Variants in ZNF462 observed in about 807,000 individuals in gnomAD.
ZNF462 encodes the protein zinc finger protein 462.
ZNF462 carries 10 observed loss-of-function variants against 201.9 expected under a neutral mutation model. The ratio of observed to expected loss-of-function variants is 0.05; its 90% CI spans 0.03 to 0.08. ZNF462 has a LOEUF of 0.08. Ranked by LOEUF, ZNF462 falls within the 10% of genes least tolerant of loss-of-function variation. The pLI is 1.00. For synonymous variants in ZNF462, 1,227 were observed against 1,193.3 expected, an observed-to-expected ratio of 1.03 and a Z score of -0.58; for missense variants, 2,523 against 3,168.3, an observed-to-expected ratio of 0.80 and a Z score of 4.89.
chr9:106,919,335 T>C lies in ZNF462; in HGVS notation c.-30-4019T>C, dbSNP rs2131384461. Reference sequence around the variant, plus strand: ...AGCAGTGAGTTGGAAGGATGGACGATGAAGCTGTGGTTTGTCTCCTTCCTC... The same window carrying C: ...AGCAGTGAGTTGGAAGGATGGACGACGAAGCTGTGGTTTGTCTCCTTCCTC... On this transcript the variant is annotated intron_variant, in intron 1 of 12. Transcript: ENST00000277225. This position sits in a 1 kb window ranked among gnomAD's most constrained non-coding sequence, Gnocchi z 4.5. Among the ~76,000 whole-genome samples, 1 of 152,310 alleles carries C rather than the reference T, an allele frequency of 6.6e-6. No homozygotes were observed. Among genetic ancestry groups the C allele is most frequent in the East Asian group, 1.9e-4 (1 of 5,190 alleles).
chr9:106,896,325 A>T (rs1183634036), intron 1 of ZNF462, among the ~76,000 whole-genome samples: 6 of 152,300 alleles, frequency 3.9e-5, no homozygotes, highest in Non-Finnish European at 7.4e-5. Context: ...TTTTTGGCTC[A>T]ATCGAAAATG....
Position 106,954,742 on chromosome 9 carries a change from T to C in ZNF462, c.6427+15635T>C, listed in dbSNP as rs1831500790. Among the ~76,000 whole-genome samples, 3 of 152,148 alleles carry C rather than the reference T, an allele frequency of 2.0e-5. No homozygotes were observed. The highest frequency in any genetic ancestry group is 4.1e-4 in the South Asian group (2 of 4,828). On this transcript the variant is annotated intron_variant, in intron 7 of 12. Transcript: ENST00000277225. The surrounding 1 kb of genome is among the most constrained non-coding windows in gnomAD (Gnocchi z 4.0). Reference sequence around the variant, plus strand: ...TTCCTTCATTTCTGTGATGCAACAGTGATCTCCCGAGATGTGAGTCAACTC... The same window carrying C: ...TTCCTTCATTTCTGTGATGCAACAGCGATCTCCCGAGATGTGAGTCAACTC...
chr9:106,978,963 G>C lies in ZNF462; in HGVS notation c.6832+4690G>C, dbSNP rs367798784. 1 of 287,616 alleles carries C rather than the reference G, an allele frequency of 3.5e-6. No homozygotes were observed. The highest frequency in any genetic ancestry group is 2.3e-5 in the African/African-American group (1 of 42,596). The allele number at this position is 287,616 out of a possible 1,614,324, so 17.8% of individuals were successfully genotyped here. ...GCCTTTGTCTTCCAAGTTAATGTGT[G>C]TGAAGGCAACAGTAGTGCAGATCTC... On this transcript the variant is annotated intron_variant, in intron 9 of 12. Coordinates refer to ENST00000277225, the MANE Select transcript of ZNF462 (RefSeq NM_021224.6). This position sits in a 1 kb window ranked among gnomAD's most constrained non-coding sequence, Gnocchi z 4.1.
chr9:106,934,036 T>G (rs1830528212), intron 5 of ZNF462, among the ~76,000 whole-genome samples: 2 of 151,950 alleles, frequency 1.3e-5, no homozygotes, highest in Non-Finnish European at 2.9e-5. Flanking sequence ...AAAGGAAGAG[T>G]CAAATTAGCA....
intron 10 of ZNF462, among the ~76,000 whole-genome samples, chr9:106,995,173 C>G (rs1029246348): frequency 3.3e-5 from 5 of 152,074 alleles, no homozygotes; most frequent in Admixed American, 6.6e-5. Context: ...GTACTTGTGT[C>G]TGAAGTTATG....
At position 106,974,355 on chromosome 9, in the gene ZNF462, G is replaced by C; in HGVS notation, c.6832+82G>C. 6.3e-7 allele frequency: 1 copy of C among 1,591,600 alleles called. No individual in the cohort carries two copies. Among genetic ancestry groups the C allele is most frequent in the Non-Finnish European group, 8.6e-7 (1 of 1,159,938 alleles). ...CCTTCTAGGGATGCTCTCTCAGAGTGGCAGTAGCACCTGTGCCTTGTTCCT... is the reference window on the plus strand; with the variant it reads ...CCTTCTAGGGATGCTCTCTCAGAGTCGCAGTAGCACCTGTGCCTTGTTCCT... On this transcript the variant is annotated intron_variant, in intron 9 of 12. Transcript: ENST00000277225. This position sits in a 1 kb window ranked among gnomAD's most constrained non-coding sequence, Gnocchi z 4.0.
intron 1 of ZNF462, among the ~76,000 whole-genome samples, chr9:106,888,223 AG>A (rs1461391759): frequency 1.3e-4 from 19 of 150,152 alleles, no homozygotes; most frequent in Admixed American, 4.6e-4. Flanking sequence ...TTGTATTTTT[AG>A]TAGAGACAGG....
Position 106,932,586 on chromosome 9 carries a change from A to T in ZNF462, c.6116+37A>T, listed in dbSNP as rs770324769. ...TGGGGGGTCACTAGTGGTTACTGGG[A>T]GATGATGTCATAGTGGAAGGCACTA... On this transcript the variant is annotated intron_variant, in intron 5 of 12. Transcript: ENST00000277225. This position sits in a 1 kb window ranked among gnomAD's most constrained non-coding sequence, Gnocchi z 6.8. 7 of 1,613,854 alleles carry T rather than the reference A, an allele frequency of 4.3e-6. No individual in the cohort carries two copies. The highest frequency in any genetic ancestry group is 5.1e-6 in the Non-Finnish European group (6 of 1,179,914).
At chr9:106,958,678 T>C in intron 7 of ZNF462, among the ~76,000 whole-genome samples, 1 of 151,956 alleles carries the variant, frequency 6.6e-6, no homozygotes, top group East Asian at 1.9e-4. Context: ...AATCATGAAA[T>C]AAAATCCAAA....
In ZNF462 at chr9:106,925,146, T is replaced by C. The variant is rs763306925; in HGVS notation, c.1234T>C (p.Ser412Pro). Residue 412 changes from serine (S) to proline (P), a missense_variant, in exon 3 of 13, where the codon TCT becomes CCT. Transcript: ENST00000277225. This position sits in a 1 kb window ranked among gnomAD's most constrained non-coding sequence, Gnocchi z 7.9. ...SAMDHQTSGLSAEQLMGSDGN... is the reference protein window; with the variant it reads ...SAMDHQTSGLPAEQLMGSDGN... ...TATGGATCACCAGACATCAGGCCTG[T>C]CTGCAGAGCAGCTGATGGGCTCAGA... The C allele has an allele frequency of 2.5e-6, 4 of 1,614,182 alleles. No individual in the cohort carries two copies. In the South Asian group the frequency reaches 3.3e-5, roughly 13 times the overall value.
chr9:106,994,609 G>A (rs1299796940), intron 10 of ZNF462, among the ~76,000 whole-genome samples: 2 of 152,014 alleles, frequency 1.3e-5, no homozygotes, highest in African/African-American at 4.8e-5. Flanking sequence ...ATGCCATTTC[G>A]TTTCTGCTTT....
intron 1 of ZNF462, among the ~76,000 whole-genome samples, chr9:106,910,370 T>G (rs868069776): frequency 8.3e-5 from 12 of 144,554 alleles, no homozygotes; most frequent in African/African-American, 1.9e-4. Flanking sequence ...TAGTTTTTTT[T>G]TTTTTTTTTT....
At position 106,929,816 on chromosome 9, in the gene ZNF462, C is replaced by G. The variant is rs899464888; in HGVS notation, c.5847+57C>G. On this transcript the variant is annotated intron_variant, in intron 3 of 12. Transcript: ENST00000277225. The surrounding 1 kb of genome is among the most constrained non-coding windows in gnomAD (Gnocchi z 8.7). ...GGAGGCCTCTCATCACTGGTGCCCA[C>G]ATGCACTTCTTCGTTGCCAGCCAAA... The G allele has an allele frequency of 4.8e-5, 71 of 1,482,872 alleles. No individual in the cohort carries two copies. The highest frequency in any genetic ancestry group is 6.1e-5 in the Non-Finnish European group (67 of 1,092,916). The allele number at this position is 1,482,872 out of a possible 1,614,324, so 91.9% of individuals were successfully genotyped here.
In ZNF462 at chr9:106,974,365, C is replaced by A. The variant is rs748671073; in HGVS notation, c.6832+92C>A. 2.5e-6 allele frequency: 4 copies of A among 1,575,526 alleles called. No homozygotes were observed. In the East Asian group the frequency reaches 9.0e-5, roughly 35 times the overall value. On this transcript the variant is annotated intron_variant, in intron 9 of 12. Transcript: ENST00000277225. This position sits in a 1 kb window ranked among gnomAD's most constrained non-coding sequence, Gnocchi z 4.0. ...ATGCTCTCTCAGAGTGGCAGTAGCA[C>A]CTGTGCCTTGTTCCTCACCTTATCT...
Position 106,935,862 on chromosome 9 carries a change from G to A in ZNF462, c.6235+241G>A, listed in dbSNP as rs1163725475. ...ATGTCACCCATGTTATGGTTAGTTC[G>A]TTCGTCCTACTGACAAGTTAGAATT... On this transcript the variant is annotated intron_variant, in intron 6 of 12. Coordinates refer to ENST00000277225, the MANE Select transcript of ZNF462 (RefSeq NM_021224.6). This position sits in a 1 kb window ranked among gnomAD's most constrained non-coding sequence, Gnocchi z 4.1. 1.3e-5 allele frequency among the ~76,000 whole-genome samples: 2 copies of A among 152,176 alleles called. No individual in the cohort carries two copies. Among genetic ancestry groups the A allele is most frequent in the Non-Finnish European group, 2.9e-5 (2 of 68,026 alleles).
At chr9:106,891,638 T>C (rs2131056376) in intron 1 of ZNF462, among the ~76,000 whole-genome samples, 1 of 152,366 alleles carries the variant, frequency 6.6e-6, no homozygotes, top group South Asian at 2.1e-4. Context: ...TTATCATTAG[T>C]ACCATTAATA....
rs1177060865 is a variant in ZNF462 at position 106,950,731 on chromosome 9, T to C, written c.6427+11624T>C. ...ATCATTTTTGCTAATATGGTTACAGTATACTGTTGCATCTTAGCTATGTTA... is the reference window on the plus strand; with the variant it reads ...ATCATTTTTGCTAATATGGTTACAGCATACTGTTGCATCTTAGCTATGTTA... On this transcript the variant is annotated intron_variant, in intron 7 of 12. Coordinates refer to ENST00000277225, the MANE Select transcript of ZNF462 (RefSeq NM_021224.6). The surrounding 1 kb of genome is among the most constrained non-coding windows in gnomAD (Gnocchi z 4.1). 1.3e-5 allele frequency among the ~76,000 whole-genome samples: 2 copies of C among 152,214 alleles called. No homozygotes were observed. Among genetic ancestry groups the C allele is most frequent in the African/African-American group, 4.8e-5 (2 of 41,452 alleles).
intron 1 of ZNF462, among the ~76,000 whole-genome samples, chr9:106,897,567 C>A (rs902260399): frequency 2.6e-5 from 4 of 152,072 alleles, no homozygotes; most frequent in African/African-American, 9.7e-5. Flanking sequence ...CCTAAATACA[C>A]CAGTCTTCTG....
Position 106,925,489 on chromosome 9 carries a change from A to G in ZNF462, c.1577A>G (p.Asn526Ser), listed in dbSNP as rs139573267. Residue 526 changes from asparagine to serine, a missense_variant, in exon 3 of 13, where the codon AAT becomes AGT. Physicochemically the swap from Asn to Ser is conservative, Grantham distance 46 (BLOSUM62 1). Coordinates refer to ENST00000277225, the MANE Select transcript of ZNF462 (RefSeq NM_021224.6). This position sits in a 1 kb window ranked among gnomAD's most constrained non-coding sequence, Gnocchi z 7.9. The stretch of plus-strand genomic sequence containing the variant: ...GTGTCTTATGAGAGCTCAAGCATCA[A>G]TGGTAGAAAGTCAGGAGTCATGTTG... ...GVVSYESSSI[N>S]GRKSGVMLDP... 1.3e-5 allele frequency: 21 copies of G among 1,614,012 alleles called. No individual in the cohort carries two copies. Among genetic ancestry groups the G allele is most frequent in the South Asian group, 7.7e-5 (7 of 91,072 alleles).
Sources: gnomAD v4.1 joint callset for allele counts (sites outside exome capture counted in the v4.1 genomes callset) on GRCh38, gnomAD v4.1.1 for gene constraint, Gnocchi (gnomAD v3.1) non-coding constraint, MANE v1.5 for transcripts, NCBI Gene and HGNC (gene_info 2026-07-23, HGNC 2026-07-21) for gene names.